Variants in LPIN2 observed in about 807,000 individuals in gnomAD.
The protein encoded by LPIN2 is phosphatidate phosphatase LPIN2.
In LPIN2, 55 loss-of-function variants were observed where a neutral mutation model predicts 111.4. The ratio of observed to expected loss-of-function variants is 0.49; its 90% CI spans 0.40 to 0.62. The LOEUF (loss-of-function observed/expected upper bound fraction) is 0.62, where lower values mean the gene tolerates loss of function less well. Ranked by LOEUF, LPIN2 falls within the 20% of genes least tolerant of loss-of-function variation. The pLI is 0.00. For missense variants in LPIN2, 992 were observed against 1,112.1 expected, an observed-to-expected ratio of 0.89 and a Z score of 1.54; for synonymous variants, 425 against 414.0, an observed-to-expected ratio of 1.03 and a Z score of -0.32.
At position 3,013,095 on chromosome 18, in the gene LPIN2, G is replaced by C. The variant is rs957765078; in HGVS notation, c.-18C>G. 1.3e-5 allele frequency: 2 copies of C among 150,802 alleles called. No homozygotes were observed. Among genetic ancestry groups the C allele is most frequent in the Admixed American group, 6.6e-5 (1 of 15,156 alleles). 9.3% of individuals were successfully genotyped at this position (150,802 alleles called of 1,614,324 possible). On this transcript the variant is annotated 5_prime_UTR_variant, in exon 1 of 20. Transcript: ENST00000677752. The stretch of plus-strand genomic sequence containing the variant: ...GGCCCGCGCCCACTTACCCACAGGG[G>C]CTCCGCTCCCGGCCAGCGGGCGGCT...
chr18:2,963,637 G>C (rs1370682917), intron 1 of LPIN2, among the ~76,000 whole-genome samples: 3 of 151,944 alleles, frequency 2.0e-5, no homozygotes, highest in Non-Finnish European at 2.9e-5. Context: ...AGAAAAAAGA[G>C]CAAAAGCAAA....
chr18:2,926,641 A>G, intron 13 of LPIN2, 82 bp downstream of exon 13: 1 of 1,226,830 alleles, frequency 8.2e-7, no homozygotes, highest in Non-Finnish European at 1.2e-6. Context: ...AGAACTAAAC[A>G]AGCTGCCAAA....
chr18:2,985,597 G>A (rs549131502), intron 1 of LPIN2, among the ~76,000 whole-genome samples: 1 of 152,092 alleles, frequency 6.6e-6, no homozygotes, highest in Non-Finnish European at 1.5e-5. Context: ...ATGATGCTAA[G>A]TAAAATATAT....
At chr18:2,986,628 A>G (rs1046984275) in intron 1 of LPIN2, among the ~76,000 whole-genome samples, 1 of 151,990 alleles carries the variant, frequency 6.6e-6, no homozygotes, top group South Asian at 2.1e-4. Flanking sequence ...CATTTACTGT[A>G]AGAATTAGAG....
intron 2 of LPIN2, among the ~76,000 whole-genome samples, chr18:2,958,911 A>G (rs756240757): frequency 6.6e-6 from 1 of 151,914 alleles, no homozygotes; most frequent in Non-Finnish European, 1.5e-5. Context: ...ATCCAATGTG[A>G]TAAAAAACAA....
intron 8 of LPIN2, among the ~76,000 whole-genome samples, chr18:2,933,559 A>G (rs1052716539): frequency 6.6e-6 from 1 of 152,262 alleles, no homozygotes; most frequent in African/African-American, 2.4e-5. Flanking sequence ...CCTGTAAAAA[A>G]TTTAAATAGC....
intron 1 of LPIN2, among the ~76,000 whole-genome samples, chr18:2,993,641 C>A (rs1221150095): frequency 2.6e-5 from 4 of 152,186 alleles, no homozygotes; most frequent in Non-Finnish European, 4.4e-5. Context: ...TTTATGTATA[C>A]CTACACACAA....
chr18:2,974,480 G>C (rs1386616913), intron 1 of LPIN2, among the ~76,000 whole-genome samples: 3 of 152,128 alleles, frequency 2.0e-5, no homozygotes, highest in African/African-American at 7.2e-5. Context: ...TTTTAAGTTT[G>C]GATTTTCACA....
At chr18:2,961,179 A>C (rs551771603) in intron 1 of LPIN2, among the ~76,000 whole-genome samples, 1 of 152,288 alleles carries the variant, frequency 6.6e-6, no homozygotes, top group Non-Finnish European at 1.5e-5. Flanking sequence ...GAATCACCAA[A>C]GAACCCTGAC....
At chr18:2,929,010 C>T in intron 10 of LPIN2, 55 bp downstream of exon 10, 1 of 1,122,770 alleles carries the variant, frequency 8.9e-7, no homozygotes, top group Non-Finnish European at 1.4e-6. Context: ...TTAAAAATGG[C>T]ACTTGTAAAA....
Position 2,920,145 on chromosome 18 carries a change from G to A in LPIN2, c.*148C>T. On this transcript the variant is annotated 3_prime_UTR_variant, in exon 20 of 20. Transcript: ENST00000677752. ...CCTGCCGAGCCTGAGCAGCTGGCCTGGGAAGGCAAAGGAGGATGGCGGGAC... is the reference window on the plus strand; with the variant it reads ...CCTGCCGAGCCTGAGCAGCTGGCCTAGGAAGGCAAAGGAGGATGGCGGGAC... 1 of 1,068,752 alleles carries A rather than the reference G, an allele frequency of 9.4e-7. No homozygotes were observed. The highest frequency in any genetic ancestry group is 1.4e-6 in the Non-Finnish European group (1 of 718,600). The allele number at this position is 1,068,752 out of a possible 1,614,324, so 66.2% of individuals were successfully genotyped here.
At chr18:3,000,942 G>T (rs778139919) in intron 1 of LPIN2, among the ~76,000 whole-genome samples, 1 of 140,136 alleles carries the variant, frequency 7.1e-6, no homozygotes, top group African/African-American at 2.6e-5. Flanking sequence ...AAATGGGTAG[G>T]GGGGAAAGGA....
intron 1 of LPIN2, among the ~76,000 whole-genome samples, chr18:2,990,348 T>A (rs558616130): frequency 6.6e-6 from 1 of 152,226 alleles, no homozygotes; most frequent in Non-Finnish European, 1.5e-5. Flanking sequence ...AAGGACATGA[T>A]CAAGAAAAAG....
intron 1 of LPIN2, among the ~76,000 whole-genome samples, chr18:2,986,190 A>G (rs1206233665): frequency 6.6e-6 from 1 of 152,264 alleles, no homozygotes; most frequent in Non-Finnish European, 1.5e-5. Context: ...ATTCAAAACC[A>G]AGATAAAATT....
rs771611109 is a variant in LPIN2 at position 2,924,560 on chromosome 18, A to AT, written c.1939-15dup. On this transcript the variant is annotated splice_polypyrimidine_tract_variant and intron_variant, in intron 14 of 19. Transcript: ENST00000677752. ...CTTCAGTTTTGCCTTTTAAAAAAGC[A>AT]TAAGAATAAAGAAAATCAGCTGAAA... 6 of 1,613,772 alleles carry AT rather than the reference A, an allele frequency of 3.7e-6. No individual in the cohort carries two copies. The highest frequency in any genetic ancestry group is 5.1e-6 in the Non-Finnish European group (6 of 1,179,722).
At chr18:2,963,808 A>C (rs540745949) in intron 1 of LPIN2, among the ~76,000 whole-genome samples, 2 of 151,766 alleles carry the variant, frequency 1.3e-5, no homozygotes, top group African/African-American at 4.8e-5. Flanking sequence ...GAACAAGAAG[A>C]ATACATCCAG....
chr18:2,929,426 T>C (rs896267389), intron 9 of LPIN2, among the ~76,000 whole-genome samples: 15 of 151,812 alleles, frequency 9.9e-5, no homozygotes, highest in African/African-American at 3.6e-4. Flanking sequence ...TCAAAAAAAA[T>C]ACATACAGAT....
intron 1 of LPIN2, chr18:3,011,583 A>C (rs1391507554): frequency 1.3e-5 from 2 of 152,280 alleles, no homozygotes; most frequent in Non-Finnish European, 2.9e-5. Context: ...GCTACTCGGG[A>C]GGCTGGGGCA....
At chr18:2,980,448 C>T (rs1477647658) in intron 1 of LPIN2, among the ~76,000 whole-genome samples, 1 of 152,216 alleles carries the variant, frequency 6.6e-6, no homozygotes, top group Non-Finnish European at 1.5e-5. Context: ...TTCCCCACCA[C>T]CAACCTCAGC....
Sources: gnomAD v4.1 joint callset for allele counts (sites outside exome capture counted in the v4.1 genomes callset) on GRCh38, gnomAD v4.1.1 for gene constraint, MANE v1.5 for transcripts, NCBI Gene and HGNC (gene_info 2026-07-23, HGNC 2026-07-21) for gene names.